NPAS3: variants seen among roughly 807,000 people sequenced by gnomAD.
NPAS3 encodes the protein neuronal PAS domain protein 3, also known as neuronal PAS domain-containing protein 3.
A neutral mutation model predicts 73.1 loss-of-function variants in NPAS3; 14 were observed. The observed-to-expected ratio is 0.19, with a 90% CI of 0.13 to 0.30. The LOEUF (loss-of-function observed/expected upper bound fraction) is 0.30. Ranked by LOEUF, NPAS3 falls within the 10% of genes least tolerant of loss-of-function variation. The probability of loss-of-function intolerance (pLI) is 1.00; values close to 1 mark genes in which losing one functional copy is unlikely to be tolerated. For missense variants in NPAS3, 1,096 were observed against 1,250.0 expected, an observed-to-expected ratio of 0.88 and a Z score of 1.86; for synonymous variants, 620 against 541.5, an observed-to-expected ratio of 1.14 and a Z score of -2.01.
chr14:33,768,714 G>A (rs1472895637), intron 7 of NPAS3, among the ~76,000 whole-genome samples: 1 of 152,130 alleles, frequency 6.6e-6, no homozygotes, highest in African/African-American at 2.4e-5. Flanking sequence ...TAGAAGACTT[G>A]CCAAAGTTAC....
chr14:33,091,845 A>G (rs2042236003), intron 2 of NPAS3, among the ~76,000 whole-genome samples: 2 of 152,216 alleles, frequency 1.3e-5, no homozygotes, highest in South Asian at 4.1e-4. Flanking sequence ...GTAATCCAGC[A>G]TATAAACAGA....
In NPAS3 at chr14:33,776,140, A is replaced by G. The variant is rs139847375; in HGVS notation, c.1046+1610A>G. ...ATAACCTCTGAGGGGGACTTTTCATACATATGTACCCATGAAAGAACCAAG... is the reference window on the plus strand; with the variant it reads ...ATAACCTCTGAGGGGGACTTTTCATGCATATGTACCCATGAAAGAACCAAG... On this transcript the variant is annotated intron_variant, in intron 8 of 11. Transcript: ENST00000356141. Among the ~76,000 whole-genome samples the G allele has an allele frequency of 2.4e-3, 367 of 152,314 alleles. 2 individuals are homozygous for G. Among genetic ancestry groups the G allele is most frequent in the African/African-American group, 8.1e-3 (336 of 41,580 alleles).
At chr14:33,404,796 T>C (rs927703260) in intron 4 of NPAS3, among the ~76,000 whole-genome samples, 1 of 152,004 alleles carries the variant, frequency 6.6e-6, no homozygotes, top group Non-Finnish European at 1.5e-5. Flanking sequence ...GGAATGAAAA[T>C]TGTACAGTTT....
chr14:33,338,003 G>A (rs2044305833), intron 3 of NPAS3, among the ~76,000 whole-genome samples: 1 of 150,408 alleles, frequency 6.6e-6, no homozygotes, highest in Admixed American at 6.6e-5. Flanking sequence ...TTAATGTATA[G>A]GAGCATGTTA....
chr14:33,460,422 A>G (rs756618029), intron 4 of NPAS3, among the ~76,000 whole-genome samples: 3 of 152,158 alleles, frequency 2.0e-5, no homozygotes, highest in Non-Finnish European at 2.9e-5. Context: ...ATTTTGCACT[A>G]TATTTTCTAA....
At chr14:33,457,103 A>C (rs2050056365) in intron 4 of NPAS3, among the ~76,000 whole-genome samples, 5 of 152,240 alleles carry the variant, frequency 3.3e-5, no homozygotes, top group African/African-American at 7.2e-5. Flanking sequence ...TGCCAGGTGA[A>C]GGGCGAGTCG....
chr14:32,946,348 G>GCACACA (rs3057257), intron 1 of NPAS3, among the ~76,000 whole-genome samples: 5,326 of 139,262 alleles, frequency 0.038, 111 homozygotes, highest in Middle Eastern at 0.079. Flanking sequence ...ACACACACGC[G>GCACACA]CACACACACA....
At chr14:33,424,523 A>G (rs538289175) in intron 4 of NPAS3, among the ~76,000 whole-genome samples, 1 of 152,140 alleles carries the variant, frequency 6.6e-6, no homozygotes, top group South Asian at 2.1e-4. Flanking sequence ...TAGGCAATGC[A>G]TGATGATCCC....
In NPAS3 at chr14:33,263,334, G is replaced by A. The variant is rs867946265; in HGVS notation, c.385+47908G>A. ...AAGGGATCCAGTTTCAGCTTTCTAC[G>A]TATGGCTAACCAGTTTTCTCAGCAC... On this transcript the variant is annotated intron_variant, in intron 3 of 11. Transcript: ENST00000356141. Among the ~76,000 whole-genome samples, 471 of 152,150 alleles carry A rather than the reference G, an allele frequency of 3.1e-3. 1 individual carries two copies. Among genetic ancestry groups the A allele is most frequent in the African/African-American group, 0.011 (447 of 41,528 alleles).
At chr14:33,066,177 C>G (rs754114267) in intron 2 of NPAS3, among the ~76,000 whole-genome samples, 9 of 152,098 alleles carry the variant, frequency 5.9e-5, no homozygotes, top group Admixed American at 6.6e-5. Flanking sequence ...GCTTCTCATC[C>G]CCTGGAGAAA....
chr14:33,374,723 T>C (rs2046246782), intron 4 of NPAS3, among the ~76,000 whole-genome samples: 1 of 150,446 alleles, frequency 6.6e-6, no homozygotes, highest in Admixed American at 6.7e-5. Flanking sequence ...GAGTAGAGAA[T>C]GCCAAATCTG....
intron 4 of NPAS3, among the ~76,000 whole-genome samples, chr14:33,474,714 C>T (rs1295423823): frequency 6.6e-6 from 1 of 151,980 alleles, no homozygotes. Flanking sequence ...GGAAGTTAAA[C>T]TAGCAAAACT....
chr14:33,002,055 T>C (rs2038827210), intron 1 of NPAS3, among the ~76,000 whole-genome samples: 1 of 152,232 alleles, frequency 6.6e-6, no homozygotes, highest in Non-Finnish European at 1.5e-5. Context: ...GCTCATGTCA[T>C]GTATAACTCA....
chr14:33,769,766 T>TTC (rs1358422156), intron 7 of NPAS3, among the ~76,000 whole-genome samples: 1 of 115,728 alleles, frequency 8.6e-6, no homozygotes, highest in African/African-American at 3.0e-5. Flanking sequence ...CTTTTTTTTT[T>TTC]TTTTTTTTTT....
Position 33,443,787 on chromosome 14 carries a change from G to C in NPAS3, c.468+76519G>C, listed in dbSNP as rs115069359. 5.3e-3 allele frequency among the ~76,000 whole-genome samples: 802 copies of C among 152,334 alleles called. 10 individuals are homozygous for C. Among genetic ancestry groups the C allele is most frequent in the Middle Eastern group, 0.024 (7 of 294 alleles). On this transcript the variant is annotated intron_variant, in intron 4 of 11. Coordinates refer to ENST00000356141, the Ensembl canonical transcript of NPAS3. The stretch of plus-strand genomic sequence containing the variant: ...AAGTGGCAGGAAAGTGGGGAGCCCA[G>C]CCTGCTAGGTGGAAGAGATGCCTCT...
chr14:33,512,175 A>G lies in NPAS3; in HGVS notation c.469-47946A>G, dbSNP rs569089830. Among the ~76,000 whole-genome samples, 252 of 152,204 alleles carry G rather than the reference A, an allele frequency of 1.7e-3. 1 individual carries two copies. Among genetic ancestry groups the G allele is most frequent in the African/African-American group, 5.9e-3 (246 of 41,560 alleles). The stretch of plus-strand genomic sequence containing the variant: ...TTCCTATGTTAATTTGCGTTTGTTC[A>G]TAGCATTTTTAATATCATACTAATT... On this transcript the variant is annotated intron_variant, in intron 4 of 11. Transcript: ENST00000356141.
chr14:33,238,317 C>G (rs1468693528), intron 3 of NPAS3, among the ~76,000 whole-genome samples: 1 of 151,984 alleles, frequency 6.6e-6, no homozygotes, highest in African/African-American at 2.4e-5. Flanking sequence ...AATGATTTAA[C>G]AAGTTTTAAA....
At chr14:33,400,208 A>G (rs2047391365) in intron 4 of NPAS3, among the ~76,000 whole-genome samples, 1 of 152,182 alleles carries the variant, frequency 6.6e-6, no homozygotes, top group Non-Finnish European at 1.5e-5. Context: ...GTGCCTTTTT[A>G]AATTCATCAT....
intron 3 of NPAS3, among the ~76,000 whole-genome samples, chr14:33,242,164 G>T (rs780258139): frequency 6.6e-6 from 1 of 151,892 alleles, no homozygotes; most frequent in Non-Finnish European, 1.5e-5. Flanking sequence ...AAAATAAGTC[G>T]CAAACTCACT....
Sources: allele counts gnomAD v4.1 joint callset (sites outside exome capture counted in the v4.1 genomes callset), GRCh38; gene constraint gnomAD v4.1.1; transcripts MANE v1.5; gene names NCBI Gene and HGNC (gene_info 2026-07-23, HGNC 2026-07-21).